Variants in CD4 observed in about 807,000 individuals in gnomAD.
The protein encoded by CD4 is T-cell surface glycoprotein CD4.
CD4 carries 25 observed loss-of-function variants against 50.5 expected under a neutral mutation model. The ratio of observed to expected loss-of-function variants is 0.49; its 90% CI spans 0.36 to 0.69. The LOEUF (loss-of-function observed/expected upper bound fraction) is 0.69. Ranked by LOEUF, CD4 falls within the 30% of genes least tolerant of loss-of-function variation. The pLI, the probability that CD4 is intolerant of heterozygous loss-of-function variation, is 0.00. For missense variants in CD4, 456 were observed against 548.5 expected, an observed-to-expected ratio of 0.83 and a Z score of 1.68; for synonymous variants, 207 against 221.9, an observed-to-expected ratio of 0.93 and a Z score of 0.60.
chr12:6,793,697 TA>T (rs1565488232), intron 1 of CD4, among the ~76,000 whole-genome samples: 9,035 of 56,620 alleles, frequency 0.16, 370 homozygotes, highest in East Asian at 0.34. Context: ...TCTATCTATC[TA>T]TCTATCTTTT....
Position 6,818,338 on chromosome 12 carries a change from G to A in CD4, c.1157-83G>A. ...AACCCCAGGGTCAAACCAGAGACTG[G>A]CCAGGAGGGATTGCAGGGCAGTCCT... On this transcript the variant is annotated intron_variant, in intron 7 of 9. Transcript: ENST00000011653. This position sits in a 1 kb window ranked among gnomAD's most constrained non-coding sequence, Gnocchi z 5.0. 6.4e-7 allele frequency: 1 copy of A among 1,566,220 alleles called. No individual in the cohort carries two copies. Among genetic ancestry groups the A allele is most frequent in the Non-Finnish European group, 8.7e-7 (1 of 1,151,848 alleles).
intron 3 of CD4, among the ~76,000 whole-genome samples, chr12:6,800,907 T>A (rs529938126): frequency 0.019 from 2,857 of 149,654 alleles, 74 homozygotes; most frequent in African/African-American, 0.06. Context: ...AAAAAAAATA[T>A]ATATATATTT....
At chr12:6,803,005 G>A (rs1362665302) in intron 3 of CD4, among the ~76,000 whole-genome samples, 1 of 151,278 alleles carries the variant, frequency 6.6e-6, no homozygotes, top group African/African-American at 2.4e-5. Flanking sequence ...AGTGCTGGGA[G>A]TACAGGTGTG....
At chr12:6,812,152 C>A (rs1942958023) in intron 3 of CD4, among the ~76,000 whole-genome samples, 1 of 151,986 alleles carries the variant, frequency 6.6e-6, no homozygotes, top group South Asian at 2.1e-4. Context: ...GCAATCCCAG[C>A]AATTTGGGAG....
At position 6,789,649 on chromosome 12, in the gene CD4, A is replaced by G. The variant is rs1237536428; in HGVS notation, c.-81A>G. On this transcript the variant is annotated 5_prime_UTR_variant, in exon 1 of 10. Transcript: ENST00000011653. ...GTTTGAGAAGCAGCGGGCAAGAAAG[A>G]CGCAAGCCCAGAGGTAAGGTGGTCA... 6.6e-6 allele frequency: 1 copy of G among 152,254 alleles called. No individual in the cohort carries two copies. Among genetic ancestry groups the G allele is most frequent in the African/African-American group, 2.4e-5 (1 of 41,458 alleles). The allele number at this position is 152,254 out of a possible 1,614,324, so 9.4% of individuals were successfully genotyped here. A position where few individuals can be genotyped will look rare whatever the true frequency, so the allele number is the denominator to read the frequency against.
chr12:6,812,964 G>GCTCA (rs1555117242), intron 3 of CD4, among the ~76,000 whole-genome samples: 2 of 151,910 alleles, frequency 1.3e-5, no homozygotes, highest in Non-Finnish European at 2.9e-5. Context: ...GTGGAGTGCA[G>GCTCA]TGGCATGATC....
chr12:6,808,095 A>G (rs1555116489), intron 3 of CD4, among the ~76,000 whole-genome samples: 2 of 150,864 alleles, frequency 1.3e-5, no homozygotes, highest in African/African-American at 4.9e-5. Context: ...AAAAAAAAAA[A>G]AAAAAAAAGC....
chr12:6,815,060 T>C (rs1943050953), intron 5 of CD4, 68 bp downstream of exon 5: 7 of 1,059,816 alleles, frequency 6.6e-6, no homozygotes. Context: ...CCCTCTGCTC[T>C]GACTGCCCTG....
intron 4 of CD4, 106 bp from the exon 5 acceptor site, chr12:6,814,650 AAGG>A (rs1943038148): frequency 2.3e-6 from 2 of 872,214 alleles, no homozygotes; most frequent in South Asian, 1.3e-5. Flanking sequence ...TGCTGGGAGG[AAGG>A]AGATGTTGGG....
chr12:6,815,416 C>T (rs782774147), intron 5 of CD4, among the ~76,000 whole-genome samples: 1 of 152,262 alleles, frequency 6.6e-6, no homozygotes, highest in African/African-American at 2.4e-5. Context: ...CTAAGCCAGG[C>T]CACTGTGGGG....
chr12:6,793,680 CTATCT>C lies in CD4; in HGVS notation c.-68+4019_-68+4023del, dbSNP rs1268774561. On this transcript the variant is annotated intron_variant, in intron 1 of 9. Transcript: ENST00000011653. ...TCTATCTATCTATCTATCTATCTATCTATCTATCTATCTATCTATCTATCTTTTTT... is the reference window on the plus strand; with the variant it reads ...TCTATCTATCTATCTATCTATCTATCATCTATCTATCTATCTATCTTTTTT... Among the ~76,000 whole-genome samples the C allele has an allele frequency of 5.8e-3, 571 of 97,892 alleles. 7 individuals carry two copies. The highest frequency in any genetic ancestry group is 0.023 in the African/African-American group (555 of 23,810). 64.2% of individuals were successfully genotyped at this position (97,892 alleles called of 152,430 possible).
At position 6,817,275 on chromosome 12, in the gene CD4, G is replaced by A. The variant is rs1555118116; in HGVS notation, c.1101G>A (p.Met367Ile). ...GGGTGCTGAACCCTGAGGCGGGGATGTGGCAGTGTCTGCTGAGTGACTCGG... is the reference window on the plus strand; with the variant it reads ...GGGTGCTGAACCCTGAGGCGGGGATATGGCAGTGTCTGCTGAGTGACTCGG... ...AVWVLNPEAGMWQCLLSDSGQ... is the reference protein window; with the variant it reads ...AVWVLNPEAGIWQCLLSDSGQ... Residue 367 changes from methionine (M) to isoleucine (I), a missense_variant, in exon 7 of 10, where the codon ATG becomes ATA. By Grantham distance (10) the Met-to-Ile change is conservative. Transcript: ENST00000011653. The A allele has an allele frequency of 3.1e-6, 5 of 1,588,928 alleles. No individual in the cohort carries two copies. The highest frequency in any genetic ancestry group is 4.3e-6 in the Non-Finnish European group (5 of 1,166,262).
At chr12:6,794,377 CT>C (rs111700025) in intron 1 of CD4, among the ~76,000 whole-genome samples, 120 of 131,484 alleles carry the variant, frequency 9.1e-4, no homozygotes, top group Middle Eastern at 4.4e-3. Context: ...ATATATCTAT[CT>C]TTTTTTTTTT....
intron 3 of CD4, among the ~76,000 whole-genome samples, chr12:6,801,878 CTT>C (rs782299083): frequency 1.8e-5 from 2 of 114,076 alleles, no homozygotes; most frequent in African/African-American, 3.3e-5. Flanking sequence ...TTTTTTTCTA[CTT>C]TTTTTTTTTT....
chr12:6,815,522 T>G (rs1281131225), intron 5 of CD4, among the ~76,000 whole-genome samples: 2 of 152,144 alleles, frequency 1.3e-5, no homozygotes, highest in African/African-American at 4.8e-5. Context: ...GTACGCTGAT[T>G]GAAATCCTGG....
chr12:6,818,015 C>T lies in CD4; in HGVS notation c.1157-406C>T, dbSNP rs1943139537. On this transcript the variant is annotated intron_variant, in intron 7 of 9. Transcript: ENST00000011653. This position sits in a 1 kb window ranked among gnomAD's most constrained non-coding sequence, Gnocchi z 5.0. Reference sequence around the variant, plus strand: ...GCGCACATGCATGCAGTCACGCACACACATTCATACACGCACACAGGCACA... The same window carrying T: ...GCGCACATGCATGCAGTCACGCACATACATTCATACACGCACACAGGCACA... Among the ~76,000 whole-genome samples the T allele has an allele frequency of 6.6e-6, 1 of 151,894 alleles. No homozygotes were observed. Among genetic ancestry groups the T allele is most frequent in the Non-Finnish European group, 1.5e-5 (1 of 67,974 alleles).
rs535626859 is a variant in CD4 at position 6,792,042 on chromosome 12, G to A, written c.-68+2380G>A. On this transcript the variant is annotated intron_variant, in intron 1 of 9. Coordinates refer to ENST00000011653, the MANE Select transcript of CD4 (RefSeq NM_000616.5). This position sits in a 1 kb window ranked among gnomAD's most constrained non-coding sequence, Gnocchi z 4.1. ...TGTCTGAGGCGAAGAAGAGGATGGCGGAGGTTGCAGCCACCAACCACAAGA... is the reference window on the plus strand; with the variant it reads ...TGTCTGAGGCGAAGAAGAGGATGGCAGAGGTTGCAGCCACCAACCACAAGA... Among the ~76,000 whole-genome samples, 7 of 152,278 alleles carry A rather than the reference G, an allele frequency of 4.6e-5. No homozygotes were observed. The highest frequency in any genetic ancestry group is 4.1e-4 in the South Asian group (2 of 4,822).
At chr12:6,794,949 G>A (rs1013726375) in intron 1 of CD4, among the ~76,000 whole-genome samples, 6 of 151,388 alleles carry the variant, frequency 4.0e-5, no homozygotes, top group African/African-American at 7.3e-5. Context: ...CACTGTGCCC[G>A]GCTAATTTTG....
chr12:6,792,440 C>CT lies in CD4; in HGVS notation c.-68+2785dup, dbSNP rs66894954. Among the ~76,000 whole-genome samples, 1,061 of 152,272 alleles carry CT rather than the reference C, an allele frequency of 7.0e-3. 49 individuals are homozygous for CT. The East Asian group carries it at 0.14, about 20-fold the overall frequency. On this transcript the variant is annotated intron_variant, in intron 1 of 9. Transcript: ENST00000011653. This position sits in a 1 kb window ranked among gnomAD's most constrained non-coding sequence, Gnocchi z 4.1. Reference sequence around the variant, plus strand: ...GCTTCTCAGAATTTCTTCTTTTCCTCTTTTTTTGTACTACCCTGCGCTTTG... The same window carrying CT: ...GCTTCTCAGAATTTCTTCTTTTCCTCTTTTTTTTGTACTACCCTGCGCTTTG...
Sources: gnomAD v4.1 joint callset for allele counts (sites outside exome capture counted in the v4.1 genomes callset) on GRCh38, gnomAD v4.1.1 for gene constraint, Gnocchi (gnomAD v3.1) non-coding constraint, MANE v1.5 for transcripts, NCBI Gene and HGNC (gene_info 2026-07-23, HGNC 2026-07-21) for gene names.